ADIPOR2: variants seen among roughly 807,000 people sequenced by gnomAD.
ADIPOR2 encodes the protein adiponectin receptor 2.
Under a neutral mutation model 40.9 loss-of-function variants are expected in ADIPOR2, and 18 were observed. The ratio of observed to expected loss-of-function variants is 0.44; its 90% confidence interval spans 0.30 to 0.65. The LOEUF is 0.65. Among genes scored for constraint, ADIPOR2 ranks in the 30% least tolerant of loss-of-function variants. The pLI is 0.09. For missense variants in ADIPOR2, 283 were observed against 479.2 expected (o/e 0.59, Z 3.82); for synonymous variants, 165 against 166.4 (o/e 0.99, Z 0.06).
chr12:1,758,953 C>A (rs1862208956), intron 2 of ADIPOR2, among the ~76,000 whole-genome samples: 1 of 152,134 alleles, frequency 6.6e-6, no homozygotes, highest in Non-Finnish European at 1.5e-5. Context: ...GGAATTTGCC[C>A]AAGGTAACAT....
intron 1 of ADIPOR2, among the ~76,000 whole-genome samples, chr12:1,705,769 T>G (rs1010520753): frequency 2.0e-5 from 3 of 152,160 alleles, no homozygotes; most frequent in Non-Finnish European, 2.9e-5. Context: ...TTAAAGACAT[T>G]GTTTTTGTAG....
At chr12:1,760,920 A>G (rs907300550) in intron 2 of ADIPOR2, 1 of 152,208 alleles carries the variant, frequency 6.6e-6, no homozygotes, top group African/African-American at 2.4e-5. Flanking sequence ...CATGCTGCAG[A>G]TGGCTGGCTA....
At chr12:1,711,251 C>G (rs2094676217) in intron 1 of ADIPOR2, among the ~76,000 whole-genome samples, 1 of 152,028 alleles carries the variant, frequency 6.6e-6, no homozygotes, top group African/African-American at 2.4e-5. Context: ...CTGAGAAATC[C>G]TTTGAGAGTG....
chr12:1,770,498 A>G (rs903517642), intron 2 of ADIPOR2, among the ~76,000 whole-genome samples: 1 of 152,224 alleles, frequency 6.6e-6, no homozygotes, highest in Non-Finnish European at 1.5e-5. Context: ...GTCTGCTATA[A>G]TCATTTCAAG....
intron 1 of ADIPOR2, among the ~76,000 whole-genome samples, chr12:1,705,608 A>C (rs980581824): frequency 6.6e-6 from 1 of 152,208 alleles, no homozygotes; most frequent in African/African-American, 2.4e-5. Flanking sequence ...TGTATATACA[A>C]ATATTCCAGA....
intron 1 of ADIPOR2, among the ~76,000 whole-genome samples, chr12:1,745,806 C>T (rs2094753783): frequency 6.6e-6 from 1 of 152,150 alleles, no homozygotes; most frequent in South Asian, 2.1e-4. Context: ...TCTTATCCTT[C>T]TTAGTGCCTC....
chr12:1,738,486 A>G (rs1170234404), intron 1 of ADIPOR2, among the ~76,000 whole-genome samples: 7 of 152,052 alleles, frequency 4.6e-5, no homozygotes, highest in African/African-American at 1.7e-4. Context: ...AAAAACATTC[A>G]TTTTTTTCCT....
intron 7 of ADIPOR2, among the ~76,000 whole-genome samples, chr12:1,785,611 TTAG>T: frequency 2.0e-5 from 1 of 51,250 alleles, no homozygotes; most frequent in East Asian, 5.4e-4. Flanking sequence ...TTGTGGCCTG[TTAG>T]CAAGAGAGTC....
chr12:1,754,740 A>G (rs1426669173), intron 2 of ADIPOR2, among the ~76,000 whole-genome samples: 1 of 148,798 alleles, frequency 6.7e-6, no homozygotes, highest in Non-Finnish European at 1.5e-5. Context: ...TACTACTACT[A>G]CTACTACTAT....
intron 1 of ADIPOR2, among the ~76,000 whole-genome samples, chr12:1,721,348 T>A (rs1449365393): frequency 6.7e-6 from 1 of 149,686 alleles, no homozygotes; most frequent in East Asian, 2.0e-4. Context: ...CCTGAGTAGC[T>A]GGGATTACAG....
intron 1 of ADIPOR2, among the ~76,000 whole-genome samples, chr12:1,737,015 C>T (rs927703856): frequency 3.3e-5 from 5 of 152,092 alleles, no homozygotes; most frequent in African/African-American, 9.7e-5. Flanking sequence ...CAGAAGGGCC[C>T]GATTTTGAAC....
intron 1 of ADIPOR2, among the ~76,000 whole-genome samples, chr12:1,709,490 C>T (rs955549145): frequency 9.2e-5 from 14 of 152,206 alleles, no homozygotes; most frequent in Admixed American, 3.9e-4. Context: ...TTGTTCTCAT[C>T]TAACTTTCTG....
intron 1 of ADIPOR2, chr12:1,696,675 G>C (rs1393981953): frequency 6.6e-6 from 1 of 152,340 alleles, no homozygotes; most frequent in Non-Finnish European, 1.5e-5. Context: ...GATTTAACAG[G>C]CAGGAGCCAT....
chr12:1,698,958 T>G (rs2094644814), intron 1 of ADIPOR2, among the ~76,000 whole-genome samples: 2 of 152,232 alleles, frequency 1.3e-5, no homozygotes, highest in Admixed American at 6.5e-5. Context: ...TTCAATAGCA[T>G]TCTTTTAAAG....
intron 2 of ADIPOR2, among the ~76,000 whole-genome samples, chr12:1,758,895 A>T (rs956002842): frequency 4.6e-5 from 7 of 152,224 alleles, no homozygotes; most frequent in African/African-American, 1.4e-4. Flanking sequence ...AGCAGATATG[A>T]TTTCTTTTTG....
intron 2 of ADIPOR2, among the ~76,000 whole-genome samples, chr12:1,759,609 A>C (rs1862226085): frequency 6.6e-6 from 1 of 152,228 alleles, no homozygotes; most frequent in Non-Finnish European, 1.5e-5. Flanking sequence ...CCACCTGATC[A>C]CATATTGCCC....
chr12:1,785,775 C>T (rs1321599719), intron 7 of ADIPOR2, among the ~76,000 whole-genome samples, 169 bp from the exon 8 acceptor site: 1 of 152,234 alleles, frequency 6.6e-6, no homozygotes, highest in Non-Finnish European at 1.5e-5. Flanking sequence ...GAATGTGTTA[C>T]ACCTAATGGA....
At chr12:1,748,736 GA>G (rs1260727618) in intron 1 of ADIPOR2, among the ~76,000 whole-genome samples, 2 of 151,778 alleles carry the variant, frequency 1.3e-5, no homozygotes, top group African/African-American at 4.8e-5. Flanking sequence ...CGTGTTTAGG[GA>G]AAAACTCTCC....
intron 1 of ADIPOR2, among the ~76,000 whole-genome samples, chr12:1,727,873 A>G (rs1233013792): frequency 6.6e-6 from 1 of 151,264 alleles, no homozygotes; most frequent in Non-Finnish European, 1.5e-5. Flanking sequence ...AAAAAAAAAA[A>G]GGATACTGGT....
Sources: gnomAD v4.1 joint callset for allele counts (sites outside exome capture counted in the v4.1 genomes callset) on GRCh38, gnomAD v4.1.1 for gene constraint, MANE v1.5 for transcripts, NCBI Gene and HGNC (gene_info 2026-07-23, HGNC 2026-07-21) for gene names.